FABP12: variants seen among roughly 807,000 people sequenced by gnomAD.
The protein encoded by FABP12 is fatty acid-binding protein 12.
In FABP12, 19 loss-of-function variants were observed where a neutral mutation model predicts 13.7. That is an observed-to-expected ratio of 1.39 (90% CI 0.97 to 2.04). The LOEUF is 2.04. Among genes scored for constraint, FABP12 ranks in the 30% most tolerant of loss-of-function variants. The pLI is 0.00. For missense variants in FABP12, 182 were observed against 164.2 expected (o/e 1.11, Z -0.59); for synonymous variants, 61 against 57.0 (o/e 1.07, Z -0.32).
At chr8:81,535,545 G>A (rs1280992550), upstream of FABP12, among the ~76,000 whole-genome samples, 2 of 152,186 alleles carry the variant, frequency 1.3e-5, no homozygotes, top group Non-Finnish European at 2.9e-5. Flanking sequence ...CGGACCTACT[G>A]AGACCTAGAC....
chr8:81,529,922 C>T (rs928567732), intron 2 of FABP12, among the ~76,000 whole-genome samples: 1 of 151,944 alleles, frequency 6.6e-6, no homozygotes, highest in African/African-American at 2.4e-5. Context: ...ATTTTTGAAC[C>T]CCTTTGAAAA....
intron 2 of FABP12, 96 bp from the exon 3 acceptor site, chr8:81,529,706 A>C: frequency 1.8e-6 from 2 of 1,095,616 alleles, no homozygotes; most frequent in Non-Finnish European, 2.6e-6. Flanking sequence ...TTGACTCCAA[A>C]AACTCAACAT....
chr8:81,547,314 C>T (rs1017187324), intron 1 of FABP12, among the ~76,000 whole-genome samples: 1 of 152,222 alleles, frequency 6.6e-6, no homozygotes, highest in African/African-American at 2.4e-5. Flanking sequence ...AAAGTGTGCT[C>T]CTCTCTTCAT....
upstream of FABP12, among the ~76,000 whole-genome samples, chr8:81,535,750 T>G (rs1809206074): frequency 6.6e-6 from 1 of 152,156 alleles, no homozygotes; most frequent in African/African-American, 2.4e-5. Context: ...CATTAACAGT[T>G]TATGGTATCT....
At chr8:81,534,883 A>C (rs1198852358), upstream of FABP12, among the ~76,000 whole-genome samples, 1 of 151,874 alleles carries the variant, frequency 6.6e-6, no homozygotes, top group Non-Finnish European at 1.5e-5. Flanking sequence ...GGTTGCAGTG[A>C]GCCGAGATCA....
chr8:81,544,712 CTT>C (rs931388517), intron 1 of FABP12, among the ~76,000 whole-genome samples: 9 of 152,044 alleles, frequency 5.9e-5, no homozygotes, highest in African/African-American at 2.2e-4. Context: ...ACTTGGCACT[CTT>C]TTCTCCCAGA....
intron 1 of FABP12, among the ~76,000 whole-genome samples, chr8:81,550,845 C>T (rs188779876): frequency 6.6e-6 from 1 of 152,250 alleles, no homozygotes; most frequent in Admixed American, 6.5e-5. Context: ...CAATCAATGT[C>T]AGGAATAACA....
chr8:81,546,773 G>T (rs185155492), intron 1 of FABP12, among the ~76,000 whole-genome samples: 301 of 152,312 alleles, frequency 2.0e-3, no homozygotes, highest in Non-Finnish European at 3.1e-3. Context: ...GAAAACTTCT[G>T]TGATAAAATG....
chr8:81,529,569 G>A (rs1809006974), exon 3 of FABP12: 1 of 1,613,866 alleles, frequency 6.2e-7, no homozygotes, highest in African/African-American at 1.3e-5. Context: ...GTCACAGTGG[G>A]TTTTGCCAAA....
chr8:81,580,831 A>G (rs1453173916), intron 1 of FABP12, among the ~76,000 whole-genome samples: 1 of 141,108 alleles, frequency 7.1e-6, no homozygotes, highest in Non-Finnish European at 1.5e-5. Flanking sequence ...CCAGAAAGGG[A>G]AGCTATGGTA....
chr8:81,530,470 G>A, intron 2 of FABP12, among the ~76,000 whole-genome samples: 1 of 152,124 alleles, frequency 6.6e-6, no homozygotes, highest in South Asian at 2.1e-4. Context: ...AGCACATGTA[G>A]GAGTATTTTC....
At chr8:81,530,142 G>T (rs1023161854) in intron 2 of FABP12, among the ~76,000 whole-genome samples, 15 of 152,112 alleles carry the variant, frequency 9.9e-5, no homozygotes, top group African/African-American at 3.6e-4. Context: ...TTACAATTCA[G>T]TGGTATTGAG....
chr8:81,529,317 T>G, intron 3 of FABP12, 121 bp downstream of exon 3: 1 of 984,476 alleles, frequency 1.0e-6, no homozygotes, highest in Non-Finnish European at 1.6e-6. Flanking sequence ...TAGACCTATG[T>G]TTTAGACAAA....
chr8:81,573,810 C>T lies in FABP12; in HGVS notation c.-185+16243G>A, dbSNP rs190648929. ...GACTTGTGTACATTAATCTTGTATC[C>T]GGAAACTTTGCTGAATTCTTTTATC... On this transcript the variant is annotated intron_variant, in intron 1 of 5. Transcript: ENST00000692030. Among the ~76,000 whole-genome samples the T allele has an allele frequency of 1.1e-4, 17 of 152,112 alleles. No individual in the cohort carries two copies. In the East Asian group the frequency reaches 1.4e-3, roughly 12 times the overall value.
upstream of FABP12, among the ~76,000 whole-genome samples, chr8:81,534,952 A>G (rs1033401662): frequency 4.6e-5 from 7 of 152,284 alleles, no homozygotes; most frequent in South Asian, 1.5e-3. Context: ...AATTAAAAAA[A>G]AAATGTAAAC....
chr8:81,589,096 T>A (rs1186558484), intron 1 of FABP12, among the ~76,000 whole-genome samples: 2 of 152,046 alleles, frequency 1.3e-5, no homozygotes, highest in Non-Finnish European at 2.9e-5. Flanking sequence ...AACCAGCAAC[T>A]AGAGGAGAGA....
At chr8:81,578,823 G>GTTTCTTTTTTTTTTTTTTTTTTTTTTTTT (rs71268012) in intron 1 of FABP12, among the ~76,000 whole-genome samples, 2 of 105,660 alleles carry the variant, frequency 1.9e-5, no homozygotes, top group African/African-American at 8.1e-5. Flanking sequence ...ATTTGTTCAA[G>GTTTCTTTTTTTTTTTTTTTTTTTTTTTTT]TTTTTTTTTT....
At chr8:81,571,188 T>C (rs1343417621) in intron 1 of FABP12, among the ~76,000 whole-genome samples, 7 of 152,104 alleles carry the variant, frequency 4.6e-5, no homozygotes, top group Non-Finnish European at 1.0e-4. Flanking sequence ...AGCTCTGAGA[T>C]CAAAGCTGGT....
upstream of FABP12, among the ~76,000 whole-genome samples, chr8:81,534,119 TCA>T (rs368147385): frequency 3.3e-5 from 5 of 151,844 alleles, no homozygotes; most frequent in African/African-American, 9.7e-5. Context: ...ACTCTCTCTC[TCA>T]CACACATACA....
Sources: allele counts gnomAD v4.1 joint callset (sites outside exome capture counted in the v4.1 genomes callset), GRCh38; gene constraint gnomAD v4.1.1; transcripts MANE v1.5; gene names NCBI Gene and HGNC (gene_info 2026-07-23, HGNC 2026-07-21).